Variants in MNAT1 observed in about 807,000 individuals in gnomAD.
MNAT1 encodes the protein CDK-activating kinase assembly factor MAT1.
MNAT1 carries 43 observed loss-of-function variants against 42.0 expected under a neutral mutation model. The observed-to-expected ratio is 1.02, with a 90% confidence interval of 0.80 to 1.32. The LOEUF (loss-of-function observed/expected upper bound fraction) is 1.32. MNAT1 is among the 40% of genes most tolerant of loss of function. The pLI, the probability that MNAT1 is intolerant of heterozygous loss-of-function variation, is 0.00. For synonymous variants in MNAT1, 118 were observed against 120.0 expected (o/e 0.98, Z 0.11); for missense variants, 306 against 350.4 (o/e 0.87, Z 1.01).
intron 5 of MNAT1, among the ~76,000 whole-genome samples, chr14:60,817,920 AAGAG>A (rs759129127): frequency 6.6e-6 from 1 of 151,398 alleles, no homozygotes; most frequent in African/African-American, 2.4e-5. Context: ...GTGTGTAGGA[AAGAG>A]AGAGAGAGAT....
chr14:60,766,736 C>G (rs2030842059), intron 1 of MNAT1, among the ~76,000 whole-genome samples: 1 of 151,984 alleles, frequency 6.6e-6, no homozygotes, highest in Non-Finnish European at 1.5e-5. Flanking sequence ...TTTTGAGAAA[C>G]TTTTAGATAT....
intron 1 of MNAT1, among the ~76,000 whole-genome samples, chr14:60,768,436 T>C (rs1594739238): frequency 6.6e-6 from 1 of 152,352 alleles, no homozygotes; most frequent in East Asian, 1.9e-4. Flanking sequence ...AAATGATATG[T>C]TCTACAGAAA....
At chr14:60,809,360 T>TA (rs148161433) in intron 4 of MNAT1, among the ~76,000 whole-genome samples, 23 of 152,294 alleles carry the variant, frequency 1.5e-4, no homozygotes, top group African/African-American at 5.5e-4. Context: ...AATGAATTGA[T>TA]ACTACATTTT....
At chr14:60,758,548 CTTAA>C (rs942793813) in intron 1 of MNAT1, among the ~76,000 whole-genome samples, 6 of 151,854 alleles carry the variant, frequency 4.0e-5, no homozygotes, top group Admixed American at 3.9e-4. Context: ...CTGCTTCAAG[CTTAA>C]TTAACATGGA....
chr14:60,796,157 C>T (rs1302161745), intron 1 of MNAT1, 60 bp from the exon 2 acceptor site: 1 of 1,493,338 alleles, frequency 6.7e-7, no homozygotes, highest in African/African-American at 1.4e-5. Context: ...GCAAACTATT[C>T]AGATGTGTTG....
intron 7 of MNAT1, among the ~76,000 whole-genome samples, chr14:60,950,613 C>T (rs1418856241): frequency 2.0e-5 from 3 of 152,102 alleles, no homozygotes; most frequent in African/African-American, 7.2e-5. Context: ...TTATTTTTAG[C>T]TTATTAGCTA....
At chr14:60,968,184 A>G (rs769690762) in intron 7 of MNAT1, 45 bp from the exon 8 acceptor site, 2 of 1,414,712 alleles carry the variant, frequency 1.4e-6, no homozygotes, top group Non-Finnish European at 2.0e-6. Flanking sequence ...TTACCTATTT[A>G]TATTTGCTTT....
At chr14:60,817,866 A>G (rs116918979) in intron 5 of MNAT1, among the ~76,000 whole-genome samples, 4 of 151,480 alleles carry the variant, frequency 2.6e-5, no homozygotes, top group Admixed American at 6.6e-5. Context: ...AAAATTCTCA[A>G]TCTCTCTCTC....
At chr14:60,746,203 G>T (rs1896610676) in intron 1 of MNAT1, among the ~76,000 whole-genome samples, 2 of 152,076 alleles carry the variant, frequency 1.3e-5, no homozygotes, top group African/African-American at 4.8e-5. Flanking sequence ...CTTAAAATTT[G>T]TGTAATTTAA....
At chr14:60,837,237 GTC>G (rs1167088144) in intron 6 of MNAT1, among the ~76,000 whole-genome samples, 3 of 152,178 alleles carry the variant, frequency 2.0e-5, no homozygotes, top group African/African-American at 4.8e-5. Flanking sequence ...GAATGGTTCT[GTC>G]TCTCTGTCAT....
chr14:60,887,809 A>G (rs2034715591), intron 7 of MNAT1, among the ~76,000 whole-genome samples: 1 of 152,130 alleles, frequency 6.6e-6, no homozygotes, highest in Non-Finnish European at 1.5e-5. Context: ...ATCAGAGAAT[A>G]CTACAAACAC....
chr14:60,799,176 G>C, intron 3 of MNAT1: 4 of 881,488 alleles, frequency 4.5e-6, no homozygotes, highest in Non-Finnish European at 5.4e-6. Flanking sequence ...ATAATTTAGG[G>C]TTTCTCTGGG....
intron 7 of MNAT1, among the ~76,000 whole-genome samples, chr14:60,967,405 GTTTCT>G (rs1185445883): frequency 6.6e-6 from 1 of 152,154 alleles, no homozygotes; most frequent in African/African-American, 2.4e-5. Context: ...AAACAAGTTA[GTTTCT>G]TAAACTAAGC....
chr14:60,952,790 A>C (rs976785192), intron 7 of MNAT1, among the ~76,000 whole-genome samples: 1 of 152,214 alleles, frequency 6.6e-6, no homozygotes, highest in Admixed American at 6.5e-5. Flanking sequence ...TGTGGGGCTT[A>C]GTAGAACAGA....
At chr14:60,789,905 G>A (rs2031764011) in intron 1 of MNAT1, among the ~76,000 whole-genome samples, 1 of 152,138 alleles carries the variant, frequency 6.6e-6, no homozygotes, top group Non-Finnish European at 1.5e-5. Flanking sequence ...GAAAGCTTAC[G>A]ATAGTATTCA....
chr14:60,926,901 A>G (rs1012071372), intron 7 of MNAT1, among the ~76,000 whole-genome samples: 2 of 152,104 alleles, frequency 1.3e-5, no homozygotes, highest in African/African-American at 2.4e-5. Flanking sequence ...TCAGGAACCC[A>G]TAAGATTTGC....
intron 1 of MNAT1, among the ~76,000 whole-genome samples, chr14:60,777,700 C>T (rs1429719625): frequency 3.3e-5 from 5 of 152,032 alleles, no homozygotes; most frequent in Non-Finnish European, 7.4e-5. Flanking sequence ...AAGGTTATCT[C>T]TACACTGATA....
At chr14:60,804,560 C>G (rs1415862662) in intron 3 of MNAT1, among the ~76,000 whole-genome samples, 1 of 152,040 alleles carries the variant, frequency 6.6e-6, no homozygotes, top group Admixed American at 6.5e-5. Context: ...GGGTCTCACT[C>G]TGTCTCCCAG....
intron 1 of MNAT1, among the ~76,000 whole-genome samples, chr14:60,776,700 A>G (rs960693877): frequency 3.3e-5 from 5 of 152,176 alleles, no homozygotes; most frequent in African/African-American, 1.2e-4. Context: ...AATACTTTGG[A>G]TCATATTCAC....
Sources: allele counts gnomAD v4.1 joint callset (sites outside exome capture counted in the v4.1 genomes callset), GRCh38; gene constraint gnomAD v4.1.1; transcripts MANE v1.5; gene names NCBI Gene and HGNC (gene_info 2026-07-23, HGNC 2026-07-21).